Variants in PPM1L observed in about 807,000 individuals in gnomAD.
The protein encoded by PPM1L is protein phosphatase 1L.
A neutral mutation model predicts 31.4 loss-of-function variants in PPM1L; 13 were observed. That is an observed-to-expected ratio of 0.41 (90% CI 0.27 to 0.66). PPM1L has a LOEUF of 0.66. Among genes scored for constraint, PPM1L ranks in the 30% least tolerant of loss-of-function variants. The probability of loss-of-function intolerance (pLI) is 0.29; values close to 1 mark genes in which losing one functional copy is unlikely to be tolerated. For synonymous variants in PPM1L, 184 were observed against 175.4 expected (o/e 1.05, Z -0.39); for missense variants, 326 against 453.7 (o/e 0.72, Z 2.56).
In PPM1L at chr3:160,949,049, C is replaced by T. The variant is rs575116540; in HGVS notation, c.400-12687C>T. Among the ~76,000 whole-genome samples, 5 of 152,268 alleles carry T rather than the reference C, an allele frequency of 3.3e-5. No individual in the cohort carries two copies. In the East Asian group the frequency reaches 7.7e-4, roughly 24 times the overall value. On this transcript the variant is annotated intron_variant, in intron 1 of 3. Coordinates refer to ENST00000498165, the MANE Select transcript of PPM1L (RefSeq NM_139245.4). ...GTTGATTTACTAAATATGGAGCAGGCCCCATGAATCTGCGTTTTTAAAGAA... is the reference window on the plus strand; with the variant it reads ...GTTGATTTACTAAATATGGAGCAGGTCCCATGAATCTGCGTTTTTAAAGAA...
intron 2 of PPM1L, among the ~76,000 whole-genome samples, chr3:160,968,937 T>TA (rs1244050217): frequency 6.6e-6 from 1 of 152,228 alleles, no homozygotes; most frequent in East Asian, 1.9e-4. Context: ...GCTAGAAACC[T>TA]ATACAGCCTT....
At chr3:161,058,117 C>CTTTTTTTTTTTT (rs1719465240) in intron 2 of PPM1L, among the ~76,000 whole-genome samples, 1 of 29,338 alleles carries the variant, frequency 3.4e-5, no homozygotes, top group Non-Finnish European at 8.2e-5. Flanking sequence ...CATTTTCTTT[C>CTTTTTTTTTTTT]CTTTTTTTTT....
At chr3:161,030,447 C>G (rs1179943246) in intron 2 of PPM1L, among the ~76,000 whole-genome samples, 1 of 152,160 alleles carries the variant, frequency 6.6e-6, no homozygotes, top group Non-Finnish European at 1.5e-5. Flanking sequence ...TTGCCAGGAC[C>G]TAGATCTTGG....
At chr3:160,915,046 A>G (rs181624813) in intron 1 of PPM1L, among the ~76,000 whole-genome samples, 154 of 152,272 alleles carry the variant, frequency 1.0e-3, no homozygotes, top group Admixed American at 6.3e-3. Context: ...GCCAGTTGGA[A>G]GTTCTGGCCA....
intron 2 of PPM1L, among the ~76,000 whole-genome samples, chr3:161,004,986 A>G (rs1221991713): frequency 2.6e-5 from 4 of 152,260 alleles, no homozygotes; most frequent in Non-Finnish European, 5.9e-5. Context: ...TTAGTGCTAT[A>G]AATTTCCCTC....
chr3:160,962,967 T>C (rs1322226143), intron 2 of PPM1L, among the ~76,000 whole-genome samples: 3 of 136,690 alleles, frequency 2.2e-5, no homozygotes, highest in Admixed American at 7.8e-5. Context: ...TCTCTTATTC[T>C]TCTTTGCTTT....
chr3:160,895,947 C>G (rs922473946), intron 1 of PPM1L, among the ~76,000 whole-genome samples: 1 of 152,108 alleles, frequency 6.6e-6, no homozygotes, highest in Non-Finnish European at 1.5e-5. Context: ...TGCTTGATTT[C>G]TCTTTTGTCT....
At chr3:160,787,836 C>T (rs1003214242) in intron 1 of PPM1L, among the ~76,000 whole-genome samples, 4 of 152,180 alleles carry the variant, frequency 2.6e-5, no homozygotes, top group African/African-American at 9.6e-5. Context: ...GTTATCTCAG[C>T]ACCATTTATT....
In PPM1L at chr3:160,948,860, G is replaced by A. The variant is rs1576735693; in HGVS notation, c.400-12876G>A. On this transcript the variant is annotated intron_variant, in intron 1 of 3. Coordinates refer to ENST00000498165, the MANE Select transcript of PPM1L (RefSeq NM_139245.4). ...TGGAGGGTCTTGTACAACCCTAGAT[G>A]TACATCAGAATTTGTTACAAAGCTT... Among the ~76,000 whole-genome samples, 3 of 152,224 alleles carry A rather than the reference G, an allele frequency of 2.0e-5. No homozygotes were observed. The East Asian group carries it at 5.8e-4, about 29-fold the overall frequency.
chr3:160,982,900 G>A (rs1017106731), intron 2 of PPM1L, among the ~76,000 whole-genome samples: 3 of 152,188 alleles, frequency 2.0e-5, no homozygotes, highest in African/African-American at 4.8e-5. Flanking sequence ...CCTAGGGACT[G>A]CTCCACTGTG....
At chr3:160,877,377 GA>G (rs1712552192) in intron 1 of PPM1L, among the ~76,000 whole-genome samples, 1 of 152,150 alleles carries the variant, frequency 6.6e-6, no homozygotes, top group Non-Finnish European at 1.5e-5. Flanking sequence ...TATTTCAGCT[GA>G]GATGCTTCTT....
At position 161,003,213 on chromosome 3, in the gene PPM1L, C is replaced by A. The variant is rs999107399; in HGVS notation, c.574+41303C>A. 1.0e-3 allele frequency among the ~76,000 whole-genome samples: 158 copies of A among 151,312 alleles called. 1 individual carries two copies. The highest frequency in any genetic ancestry group is 3.7e-3 in the African/African-American group (152 of 41,024). On this transcript the variant is annotated intron_variant, in intron 2 of 3. Coordinates refer to ENST00000498165, the MANE Select transcript of PPM1L (RefSeq NM_139245.4). ...ATTGATCTATATGTCTGTTTTGGTA[C>A]CAGTACCATGCTGTTTTGGTTACTG...
At chr3:161,053,520 T>C (rs1299035402) in intron 2 of PPM1L, among the ~76,000 whole-genome samples, 1 of 152,208 alleles carries the variant, frequency 6.6e-6, no homozygotes, top group Non-Finnish European at 1.5e-5. Flanking sequence ...AGTTGAAATG[T>C]GAAGTTGAAG....
intron 2 of PPM1L, among the ~76,000 whole-genome samples, chr3:160,981,797 C>T (rs1166222402): frequency 6.6e-6 from 1 of 150,658 alleles, no homozygotes; most frequent in Non-Finnish European, 1.5e-5. Flanking sequence ...GAGTCTCGCT[C>T]TGTCGCTCAG....
intron 2 of PPM1L, among the ~76,000 whole-genome samples, chr3:160,990,669 CCCTT>C (rs1205807737): frequency 5.9e-5 from 9 of 152,198 alleles, no homozygotes; most frequent in Middle Eastern, 6.8e-3. Context: ...AGTGAAAGGT[CCCTT>C]CATTTATACA....
chr3:160,951,129 G>C (rs956447), intron 1 of PPM1L, among the ~76,000 whole-genome samples: 54,229 of 152,160 alleles, frequency 0.36, 10,003 homozygotes, highest in East Asian at 0.65. Flanking sequence ...AATTTAGCCA[G>C]ATTGCTTTGG....
intron 2 of PPM1L, among the ~76,000 whole-genome samples, chr3:161,042,023 C>A (rs565981851): frequency 1.1e-4 from 16 of 152,148 alleles, no homozygotes; most frequent in Non-Finnish European, 2.2e-4. Context: ...CACCACCACA[C>A]ATACATATAC....
chr3:161,012,343 C>T (rs1379075619), intron 2 of PPM1L, among the ~76,000 whole-genome samples: 3 of 152,098 alleles, frequency 2.0e-5, no homozygotes, highest in Admixed American at 6.5e-5. Context: ...TATGTTGAAC[C>T]AGCCTTGCAT....
intron 1 of PPM1L, among the ~76,000 whole-genome samples, chr3:160,764,124 GT>G (rs1560101139): frequency 6.6e-6 from 1 of 151,912 alleles, no homozygotes; most frequent in Non-Finnish European, 1.5e-5. Flanking sequence ...TTGTTTGTTT[GT>G]TTGTTTCTTT....
Sources: gnomAD v4.1 joint callset for allele counts (sites outside exome capture counted in the v4.1 genomes callset) on GRCh38, gnomAD v4.1.1 for gene constraint, MANE v1.5 for transcripts, NCBI Gene and HGNC (gene_info 2026-07-23, HGNC 2026-07-21) for gene names.